Variants in KIF19 observed in about 807,000 individuals in gnomAD.
KIF19 encodes the protein kinesin family member 19.
Under a neutral mutation model 106.6 loss-of-function variants are expected in KIF19, and 98 were observed. That is an observed-to-expected ratio of 0.92 (90% CI 0.78 to 1.09). The LOEUF is 1.09. Ranked by LOEUF, KIF19 falls within the 50% of genes least tolerant of loss-of-function variation. KIF19 has a pLI of 0.00. For missense variants in KIF19, 1,373 were observed against 1,414.3 expected (o/e 0.97, Z 0.47); for synonymous variants, 516 against 584.2 (o/e 0.88, Z 1.68).
At chr17:74,353,729 CT>C in intron 17 of KIF19, 148 bp downstream of exon 17, 1 of 693,066 alleles carries the variant, frequency 1.4e-6, no homozygotes, top group South Asian at 1.7e-5. Flanking sequence ...ACCATTGCCC[CT>C]GAGGATTAGT....
chr17:74,350,586 C>A lies in KIF19; in HGVS notation c.1388+11C>A, dbSNP rs374746095. On this transcript the variant is annotated intron_variant, in intron 11 of 19. Coordinates refer to ENST00000389916, the MANE Select transcript of KIF19 (RefSeq NM_153209.4). ...GCTCACCATCGCCGGGTAAGCCCCC[C>A]TCCCAGGACCCTCCAGGCCCCACCC... The A allele has an allele frequency of 2.5e-6, 4 of 1,611,988 alleles. No homozygotes were observed. Among genetic ancestry groups the A allele is most frequent in the Non-Finnish European group, 3.4e-6 (4 of 1,179,334 alleles).
rs769285534 is a variant in KIF19 at position 74,353,194 on chromosome 17, A to G, written c.2115-2A>G. On this transcript the variant is annotated splice_acceptor_variant, in intron 15 of 19. Coordinates refer to ENST00000389916, the MANE Select transcript of KIF19 (RefSeq NM_153209.4). LOFTEE classifies it high-confidence loss of function. Reference sequence around the variant, plus strand: ...CCACTCATCTTCCTCTGCCAACTTCAGTGAAGGCCACCACGTGTTCAAGGC... The same window carrying G: ...CCACTCATCTTCCTCTGCCAACTTCGGTGAAGGCCACCACGTGTTCAAGGC... 1.1e-5 allele frequency: 18 copies of G among 1,580,324 alleles called. No homozygotes were observed. The highest frequency in any genetic ancestry group is 1.4e-5 in the Non-Finnish European group (16 of 1,163,124).
intron 2 of KIF19, among the ~76,000 whole-genome samples, chr17:74,338,967 C>A (rs1037256337): frequency 2.0e-5 from 3 of 151,946 alleles, no homozygotes; most frequent in African/African-American, 7.2e-5. Context: ...CCCCTGCTGA[C>A]CCAGGAAGGG....
At chr17:74,327,506 G>A (rs2053946424) in intron 1 of KIF19, among the ~76,000 whole-genome samples, 1 of 152,150 alleles carries the variant, frequency 6.6e-6, no homozygotes, top group African/African-American at 2.4e-5. Flanking sequence ...TTTTGAGACG[G>A]AGTTTCACTT....
At chr17:74,349,683 C>T (rs552197430) in intron 10 of KIF19, among the ~76,000 whole-genome samples, 3 of 152,190 alleles carry the variant, frequency 2.0e-5, no homozygotes, top group African/African-American at 7.2e-5. Flanking sequence ...CCTGCACCCC[C>T]GGAATGGGCT....
intron 2 of KIF19, among the ~76,000 whole-genome samples, chr17:74,335,089 A>G (rs1001172906): frequency 6.6e-6 from 1 of 152,214 alleles, no homozygotes; most frequent in Non-Finnish European, 1.5e-5. Context: ...TTTTGCCACT[A>G]GCCTTGGAGG....
chr17:74,355,030 C>T, intron 19 of KIF19, 89 bp downstream of exon 19: 1 of 1,544,512 alleles, frequency 6.5e-7, no homozygotes, highest in Non-Finnish European at 8.8e-7. Flanking sequence ...GCGCCTCTGG[C>T]TGCCCCTTGC....
intron 2 of KIF19, among the ~76,000 whole-genome samples, chr17:74,335,637 A>G (rs1416738061): frequency 6.6e-6 from 1 of 152,258 alleles, no homozygotes; most frequent in Admixed American, 6.5e-5. Flanking sequence ...GTCTCAAGCC[A>G]GAGCCTCTGC....
intron 8 of KIF19, 139 bp from the exon 9 acceptor site, chr17:74,347,638 A>G (rs1171981942): frequency 7.4e-6 from 7 of 945,484 alleles, no homozygotes; most frequent in Non-Finnish European, 1.1e-5. Flanking sequence ...GCCTCACACC[A>G]TATGACGCTC....
chr17:74,351,029 CTG>C, intron 12 of KIF19, 124 bp downstream of exon 12: 1 of 940,692 alleles, frequency 1.1e-6, no homozygotes, highest in Non-Finnish European at 1.7e-6. Flanking sequence ...GCCACAAATC[CTG>C]TGTGACTTTG....
At chr17:74,326,468 C>A in intron 1 of KIF19, 80 bp downstream of exon 1, 1 of 1,366,982 alleles carries the variant, frequency 7.3e-7, no homozygotes, top group Non-Finnish European at 1.0e-6. Flanking sequence ...GTCCTGTCCC[C>A]TCGCCGCCAC....
In KIF19 at chr17:74,346,630, C is replaced by T. The variant is rs781675936; in HGVS notation, c.924+106C>T. On this transcript the variant is annotated intron_variant, in intron 8 of 19. Coordinates refer to ENST00000389916, the MANE Select transcript of KIF19 (RefSeq NM_153209.4). This position sits in a 1 kb window ranked among gnomAD's most constrained non-coding sequence, Gnocchi z 4.6. ...AGCTAAATTCCAACCTCAGGATACA[C>T]AGCAAAATTTATTTTAGCGTAAATA... is the stretch of plus-strand genomic sequence containing the variant. 58 of 1,047,316 alleles carry T rather than the reference C, an allele frequency of 5.5e-5. No individual in the cohort carries two copies. The highest frequency in any genetic ancestry group is 2.9e-5 in the Non-Finnish European group (21 of 725,760). The allele number at this position is 1,047,316 out of a possible 1,614,324, so 64.9% of individuals were successfully genotyped here.
chr17:74,348,976 C>A, intron 9 of KIF19: 1 of 581,390 alleles, frequency 1.7e-6, no homozygotes, highest in Non-Finnish European at 3.0e-6. Flanking sequence ...GGAATGAGGA[C>A]GTTCCCCGCA....
chr17:74,352,178 G>T lies in KIF19; in HGVS notation c.1858+41G>T, dbSNP rs763435983. On this transcript the variant is annotated intron_variant, in intron 13 of 19. Transcript: ENST00000389916. ...CCGCGCATCTGAGCCACCCGCGGGGGGGCCGCTGGCACTCACTGAGCCCTG... is the reference window on the plus strand; with the variant it reads ...CCGCGCATCTGAGCCACCCGCGGGGTGGCCGCTGGCACTCACTGAGCCCTG... 1.9e-6 allele frequency: 3 copies of T among 1,589,394 alleles called. No homozygotes were observed. The East Asian group carries it at 6.8e-5, about 36-fold the overall frequency.
chr17:74,352,027 C>A lies in KIF19; in HGVS notation c.1748C>A (p.Ala583Glu). ...EVENTEMQSH[A>E]LLRDGALRHR... is the part of the protein sequence containing the mutation. Reference sequence around the variant, plus strand: ...GAGAACACCGAGATGCAGTCGCACGCGCTGCTCCGCGACGGTGCGCTCCGC... The same window carrying A: ...GAGAACACCGAGATGCAGTCGCACGAGCTGCTCCGCGACGGTGCGCTCCGC... The change falls in exon 13 of 20, where the codon GCG (alanine) becomes GAG (glutamate). Residue 583 changes from alanine to glutamate, a missense_variant. Around this residue, in one of 3 missense-constraint regions of KIF19, gnomAD observed 1,020 missense variants for 1,008.2 expected, o/e 1.01. Coordinates refer to ENST00000389916, the MANE Select transcript of KIF19 (RefSeq NM_153209.4). The A allele has an allele frequency of 6.4e-7, 1 of 1,565,540 alleles. No homozygotes were observed. The highest frequency in any genetic ancestry group is 1.8e-5 in the Admixed American group (1 of 54,812).
chr17:74,330,887 C>G (rs1213225503), intron 2 of KIF19, among the ~76,000 whole-genome samples: 1 of 152,150 alleles, frequency 6.6e-6, no homozygotes, highest in South Asian at 2.1e-4. Flanking sequence ...ATGCAAACTC[C>G]CTGTGGGCTT....
intron 12 of KIF19, 24 bp downstream of exon 12, chr17:74,350,929 G>A (rs1449177066): frequency 1.2e-6 from 2 of 1,611,980 alleles, no homozygotes; most frequent in Non-Finnish European, 1.7e-6. Flanking sequence ...GGGGGGACAA[G>A]GAGAGTGGGT....
At chr17:74,332,694 G>A (rs1162334913) in intron 2 of KIF19, among the ~76,000 whole-genome samples, 7 of 152,210 alleles carry the variant, frequency 4.6e-5, no homozygotes, top group African/African-American at 9.6e-5. Flanking sequence ...AAAGAGGAGC[G>A]AAGGCAGAAG....
At position 74,341,446 on chromosome 17, in the gene KIF19, G is replaced by GT. The variant is rs561554022; in HGVS notation, c.121-428dup. Reference sequence around the variant, plus strand: ...CTCTGGCAGAGGCAGCATGGGGGGTGTTGAAGTGAGGGGCAGGCCCCCAGG... The same window carrying GT: ...CTCTGGCAGAGGCAGCATGGGGGGTGTTTGAAGTGAGGGGCAGGCCCCCAGG... On this transcript the variant is annotated intron_variant, in intron 2 of 19. Coordinates refer to ENST00000389916, the MANE Select transcript of KIF19 (RefSeq NM_153209.4). Among the ~76,000 whole-genome samples the GT allele has an allele frequency of 7.2e-3, 1,099 of 152,344 alleles. 12 individuals carry two copies. The highest frequency in any genetic ancestry group is 0.026 in the African/African-American group (1,060 of 41,564).
Sources: gnomAD v4.1 joint callset for allele counts (sites outside exome capture counted in the v4.1 genomes callset) on GRCh38, gnomAD v4.1.1 for gene constraint, gnomAD v4.1.1 regional missense constraint, Gnocchi (gnomAD v3.1) non-coding constraint, MANE v1.5 for transcripts, NCBI Gene and HGNC (gene_info 2026-07-23, HGNC 2026-07-21) for gene names.